The following C22orf31 variants were observed in gnomAD, a reference collection of about 807,000 sequenced individuals.
C22orf31 encodes uncharacterized protein C22orf31.
C22orf31 carries 11 observed loss-of-function variants against 15.0 expected under a neutral mutation model. That is an observed-to-expected ratio of 0.73 (90% CI 0.46 to 1.21). The LOEUF (loss-of-function observed/expected upper bound fraction) is 1.21. Among genes scored for constraint, C22orf31 ranks in the 50% most tolerant of loss-of-function variants. The pLI is 0.00. For synonymous variants in C22orf31, 132 were observed against 133.3 expected, an observed-to-expected ratio of 0.99 and a Z score of 0.07; for missense variants, 340 against 347.2, an observed-to-expected ratio of 0.98 and a Z score of 0.17.
chr22:29,071,278 A>G, the C22orf31 span, among the ~76,000 whole-genome samples: 1 of 152,312 alleles, frequency 6.6e-6, no homozygotes, highest in Non-Finnish European at 1.5e-5. Flanking sequence ...GAAAACAATA[A>G]CTGAACAAGA....
chr22:29,073,582 C>A, the C22orf31 span, among the ~76,000 whole-genome samples: 2 of 152,028 alleles, frequency 1.3e-5, no homozygotes. The surrounding 1 kb of genome is among the most constrained non-coding windows in gnomAD (Gnocchi z 4.4). Context: ...GACCCGCTGC[C>A]CGAGTCCCTC....
chr22:29,065,013 C>A (rs1179015237), upstream of C22orf31, among the ~76,000 whole-genome samples: 1 of 151,770 alleles, frequency 6.6e-6, no homozygotes, highest in African/African-American at 2.4e-5. Flanking sequence ...ACCACCACGC[C>A]CGGCTAATTT....
chr22:29,061,482 C>T (rs1193805010), intron 1 of C22orf31, among the ~76,000 whole-genome samples: 8 of 152,090 alleles, frequency 5.3e-5, no homozygotes, highest in African/African-American at 1.7e-4. Context: ...GTCAGGCTGG[C>T]CTCGAACTCC....
rs762126996 is a variant in C22orf31 at position 29,059,077 on chromosome 22, T to A, written c.538A>T (p.Thr180Ser). 6.2e-7 allele frequency: 1 copy of A among 1,614,170 alleles called. No homozygotes were observed. Among genetic ancestry groups the A allele is most frequent in the Non-Finnish European group, 8.5e-7 (1 of 1,180,004 alleles). ...AACACTCGGCCCTTCCAGGCTGCTG[T>A]CCCACTGTCCTGGGGTAGCGCTTGG... ...ATQALPQDSG[T>S]AAWKGRVLLP... The change falls in exon 3 of 3, where the codon ACA (threonine) becomes TCA (serine). Residue 180 changes from threonine to serine, a missense_variant. Thr to Ser is a moderately conservative substitution (Grantham distance 58). Transcript: ENST00000216071.
chr22:29,063,526 G>A (rs2037410078), upstream of C22orf31, among the ~76,000 whole-genome samples: 1 of 152,186 alleles, frequency 6.6e-6, no homozygotes, highest in African/African-American at 2.4e-5. Context: ...TACTCTTCAA[G>A]TTCTATCAAA....
chr22:29,071,238 A>G, the C22orf31 span, among the ~76,000 whole-genome samples: 13 of 152,200 alleles, frequency 8.5e-5, no homozygotes, highest in Non-Finnish European at 1.5e-4. Flanking sequence ...TAAGAGGCCC[A>G]GAGGATCCTT....
chr22:29,066,735 AT>A (rs2037434429), upstream of C22orf31, among the ~76,000 whole-genome samples: 1 of 150,608 alleles, frequency 6.6e-6, no homozygotes, highest in South Asian at 2.1e-4. Flanking sequence ...TAATTTTTGT[AT>A]TTTTAGTAGA....
At chr22:29,061,319 T>C (rs1022247561) in intron 1 of C22orf31, among the ~76,000 whole-genome samples, 1 of 152,020 alleles carries the variant, frequency 6.6e-6, no homozygotes, top group Non-Finnish European at 1.5e-5. Flanking sequence ...CAGGCTGGAG[T>C]GCAATGGCGT....
the C22orf31 span, among the ~76,000 whole-genome samples, chr22:29,071,859 G>A: frequency 1.3e-5 from 2 of 152,202 alleles, no homozygotes; most frequent in Non-Finnish European, 2.9e-5. Flanking sequence ...CCAGGCTGTA[G>A]GATAAGCAGT....
At chr22:29,065,707 C>T (rs1033458983), upstream of C22orf31, among the ~76,000 whole-genome samples, 1 of 152,220 alleles carries the variant, frequency 6.6e-6, no homozygotes, top group Non-Finnish European at 1.5e-5. Context: ...CCATCAAAGG[C>T]TGTTTAGAAT....
At chr22:29,060,879 G>A (rs764219417) in intron 1 of C22orf31, 36 bp from the exon 2 acceptor site, 1 of 1,550,920 alleles carries the variant, frequency 6.4e-7, no homozygotes, top group Non-Finnish European at 8.8e-7. Context: ...AATTTTAAAA[G>A]GACCGTTCTT....
At chr22:29,073,925 C>T in the C22orf31 span, among the ~76,000 whole-genome samples, 1 of 152,186 alleles carries the variant, frequency 6.6e-6, no homozygotes, top group African/African-American at 2.4e-5. This position sits in a 1 kb window ranked among gnomAD's most constrained non-coding sequence, Gnocchi z 4.4. Flanking sequence ...CGCCCCTCTC[C>T]GAGACCTCCA....
At position 29,061,824 on chromosome 22, in the gene C22orf31, G is replaced by C. The variant is rs1422008013; in HGVS notation, c.-32C>G. Reference sequence around the variant, plus strand: ...GTTGCCTTAAATTTTATTTTCGCTAGCTTAGTAAGGGGAAGAAATATGTAT... The same window carrying C: ...GTTGCCTTAAATTTTATTTTCGCTACCTTAGTAAGGGGAAGAAATATGTAT... On this transcript the variant is annotated 5_prime_UTR_variant, in exon 1 of 3. Coordinates refer to ENST00000216071, the MANE Select transcript of C22orf31 (RefSeq NM_015370.2). 3.3e-6 allele frequency: 5 copies of C among 1,508,024 alleles called. No individual in the cohort carries two copies. The highest frequency in any genetic ancestry group is 1.9e-5 in the Admixed American group (1 of 52,864). The allele number at this position is 1,508,024 out of a possible 1,614,324, so 93.4% of individuals were successfully genotyped here.
Position 29,059,045 on chromosome 22 carries a change from A to G in C22orf31, c.570T>C (p.Pro190=), listed in dbSNP as rs1218008891. Residue 190 remains proline, a synonymous_variant, in exon 3 of 3, where the codon CCT becomes CCC. Coordinates refer to ENST00000216071, the MANE Select transcript of C22orf31 (RefSeq NM_015370.2). Reference sequence around the variant, plus strand: ...ACAACTGCTGTCTCTTTTGGGTTTCAGGAAGCAACACTCGGCCCTTCCAGG... The same window carrying G: ...ACAACTGCTGTCTCTTTTGGGTTTCGGGAAGCAACACTCGGCCCTTCCAGG... ...TAAWKGRVLL[P]ETQKRQQLSE... is the part of the protein sequence containing the mutation. 6.2e-7 allele frequency: 1 copy of G among 1,614,116 alleles called. No individual in the cohort carries two copies.
the C22orf31 span, among the ~76,000 whole-genome samples, chr22:29,069,529 A>G: frequency 6.6e-6 from 1 of 152,174 alleles, no homozygotes; most frequent in Non-Finnish European, 1.5e-5. Context: ...AGCTGCATTC[A>G]GTGTCCTCAC....
chr22:29,061,269 T>C (rs2037388483), intron 1 of C22orf31, among the ~76,000 whole-genome samples: 2 of 152,130 alleles, frequency 1.3e-5, no homozygotes, highest in Non-Finnish European at 2.9e-5. Context: ...ACACTTTCTT[T>C]TTTTGTGTGT....
the C22orf31 span, among the ~76,000 whole-genome samples, chr22:29,067,117 A>G: frequency 3.4e-3 from 515 of 152,320 alleles, 1 homozygote; most frequent in Middle Eastern, 0.017. Flanking sequence ...TACAGATCCT[A>G]TCTTCATTTA....
chr22:29,058,738 G>A lies in C22orf31; in HGVS notation c.*4C>T. The A allele has an allele frequency of 6.3e-7, 1 of 1,599,968 alleles. No homozygotes were observed. The highest frequency in any genetic ancestry group is 8.5e-7 in the Non-Finnish European group (1 of 1,172,394). On this transcript the variant is annotated 3_prime_UTR_variant, in exon 3 of 3. Transcript: ENST00000216071. Reference sequence around the variant, plus strand: ...GAATACTCTAATCCCATGAGTTCTTGTTCCTATTTTTTGCTCTTTAACTTG... The same window carrying A: ...GAATACTCTAATCCCATGAGTTCTTATTCCTATTTTTTGCTCTTTAACTTG...
chr22:29,059,026 G>T lies in C22orf31; in HGVS notation c.589C>A (p.Gln197Lys). Reference sequence around the variant, plus strand: ...ATGGTTAGCGTGTCCTCCGACAACTGCTGTCTCTTTTGGGTTTCAGGAAGC... The same window carrying T: ...ATGGTTAGCGTGTCCTCCGACAACTTCTGTCTCTTTTGGGTTTCAGGAAGC... ...VLLPETQKRQ[Q>K]LSEDTLTIHG... Residue 197 changes from glutamine to lysine, a missense_variant, in exon 3 of 3, where the codon CAG (glutamine) becomes AAG (lysine). By Grantham distance (53) the Gln-to-Lys change is moderately conservative (BLOSUM62 1). Coordinates refer to ENST00000216071, the MANE Select transcript of C22orf31 (RefSeq NM_015370.2). 1 of 1,614,232 alleles carries T rather than the reference G, an allele frequency of 6.2e-7. No individual in the cohort carries two copies. The highest frequency in any genetic ancestry group is 1.3e-5 in the African/African-American group (1 of 75,064).
Sources: allele counts gnomAD v4.1 joint callset (sites outside exome capture counted in the v4.1 genomes callset), GRCh38; gene constraint gnomAD v4.1.1; non-coding constraint Gnocchi (gnomAD v3.1); transcripts MANE v1.5; gene names NCBI Gene and HGNC (gene_info 2026-07-23, HGNC 2026-07-21).